NQO2: variants seen among roughly 807,000 people sequenced by gnomAD.
NQO2 encodes ribosyldihydronicotinamide dehydrogenase [quinone].
NQO2 carries 18 observed loss-of-function variants against 22.0 expected under a neutral mutation model. The ratio of observed to expected loss-of-function variants is 0.82; its 90% confidence interval spans 0.56 to 1.21. The LOEUF is 1.21. Among genes scored for constraint, NQO2 ranks in the 50% most tolerant of loss-of-function variants. NQO2 has a pLI of 0.00. For missense variants in NQO2, 267 were observed against 286.9 expected (o/e 0.93, Z 0.50); for synonymous variants, 106 against 110.8 (o/e 0.96, Z 0.28).
chr6:3,002,247 GT>G, intron 1 of NQO2: 1 of 984,738 alleles, frequency 1.0e-6, no homozygotes, highest in Non-Finnish European at 1.2e-6. Flanking sequence ...AGGATAAGGT[GT>G]TCCCCCAGTC....
rs1561714884 is a variant in NQO2, at chr6:3,012,645, G to T, written c.274G>T (p.Val92Phe). Residue 92 changes from valine to phenylalanine, a missense_variant, in exon 4 of 7, where the codon GTT (valine) becomes TTT (phenylalanine). Transcript: ENST00000380455. ...ASDITDEQKK[V>F]READLVIFQF... ...CGACATCACTGATGAGCAGAAAAAG[G>T]TTCGGGAGGCTGACCTAGTGATATT... is the stretch of plus-strand genomic sequence containing the variant. 3.7e-6 allele frequency: 6 copies of T among 1,613,988 alleles called. No homozygotes were observed. Among genetic ancestry groups the T allele is most frequent in the Admixed American group, 3.3e-5 (2 of 59,996 alleles).
intron 6 of NQO2, 39 bp downstream of exon 6, chr6:3,017,024 A>T (rs770186052): frequency 6.2e-7 from 1 of 1,604,346 alleles, no homozygotes; most frequent in African/African-American, 1.3e-5. Flanking sequence ...TTGTTGGCAC[A>T]CGCACACACA....
rs1172440006 is a variant in NQO2, at chr6:3,019,466, C to T, written c.520-13C>T. ...AGTTTCTAATGAGTTCTTTTCTTCC[C>T]CTGTGGCTTTAGCATGGCACATTAC... On this transcript the variant is annotated splice_polypyrimidine_tract_variant and intron_variant, in intron 6 of 6. Transcript: ENST00000380455. 3 of 1,604,998 alleles carry T rather than the reference C, an allele frequency of 1.9e-6. No individual in the cohort carries two copies. The highest frequency in any genetic ancestry group is 2.6e-6 in the Non-Finnish European group (3 of 1,174,696).
intron 1 of NQO2, chr6:3,003,418 C>G (rs1756813090): frequency 2.3e-6 from 1 of 443,702 alleles, no homozygotes; most frequent in Non-Finnish European, 3.0e-6. Context: ...ACAACCATGT[C>G]TCTCCCTGAC....
At position 3,019,547 on chromosome 6, in the gene NQO2, A is replaced by T. The variant is rs1445385206; in HGVS notation, c.588A>T (p.Ala196=). 1 of 1,614,078 alleles carries T rather than the reference A, an allele frequency of 6.2e-7. No homozygotes were observed. The highest frequency in any genetic ancestry group is 8.5e-7 in the Non-Finnish European group (1 of 1,180,038). The part of the protein sequence containing the change: ...APQISFAPEI[A]SEEERKGMVA... The stretch of plus-strand genomic sequence containing the variant: ...AGATCAGCTTTGCTCCTGAAATTGC[A>T]TCCGAAGAAGAAAGAAAGGGGATGG... The change falls in exon 7 of 7, where the codon GCA becomes GCT. Residue 196 remains alanine, a synonymous_variant. Transcript: ENST00000380455.
At position 3,012,645 on chromosome 6, in the gene NQO2, G is replaced by A. The variant is rs1561714884; in HGVS notation, c.274G>A (p.Val92Ile). The change falls in exon 4 of 7, where the codon GTT becomes ATT. Residue 92 changes from valine to isoleucine, a missense_variant. Coordinates refer to ENST00000380455, the MANE Select transcript of NQO2 (RefSeq NM_000904.6). ...CGACATCACTGATGAGCAGAAAAAG[G>A]TTCGGGAGGCTGACCTAGTGATATT... ...ASDITDEQKK[V>I]READLVIFQF... is the part of the protein sequence containing the mutation. The A allele has an allele frequency of 2.5e-6, 4 of 1,613,870 alleles. No individual in the cohort carries two copies. The highest frequency in any genetic ancestry group is 3.4e-6 in the Non-Finnish European group (4 of 1,179,970).
rs150813874 is a variant in NQO2, at chr6:3,011,517, G to A, written c.173-1027G>A. 3.2e-3 allele frequency among the ~76,000 whole-genome samples: 490 copies of A among 152,220 alleles called. 5 individuals are homozygous for A. Among genetic ancestry groups the A allele is most frequent in the African/African-American group, 0.011 (461 of 41,540 alleles). On this transcript the variant is annotated intron_variant, in intron 3 of 6. Coordinates refer to ENST00000380455, the MANE Select transcript of NQO2 (RefSeq NM_000904.6). ...TAAGAGGAAGCTGAGCAAGAGCAAG[G>A]CATAGCAAGCTTATTCAAAGAAATA... is the stretch of plus-strand genomic sequence containing the variant.
intron 1 of NQO2, chr6:3,005,818 G>A: frequency 1.0e-6 from 1 of 985,346 alleles, no homozygotes; most frequent in Non-Finnish European, 1.2e-6. Flanking sequence ...GCCATGCTGT[G>A]ACTTTGTTGA....
intron 6 of NQO2, among the ~76,000 whole-genome samples, chr6:3,017,902 C>A (rs1757393485): frequency 6.6e-6 from 1 of 152,068 alleles, no homozygotes; most frequent in South Asian, 2.1e-4. Context: ...TTGCCCATGT[C>A]CTATTGGTTT....
intron 1 of NQO2, chr6:3,003,614 A>G (rs1445894266): frequency 1.6e-6 from 1 of 618,660 alleles, no homozygotes; most frequent in African/African-American, 2.1e-5. Context: ...ACCGGTTCAA[A>G]CAATACTACC....
At chr6:3,000,951 TC>T (rs1410950768) in intron 1 of NQO2, among the ~76,000 whole-genome samples, 2 of 151,722 alleles carry the variant, frequency 1.3e-5, no homozygotes, top group Non-Finnish European at 2.9e-5. Context: ...CAAGCGATTC[TC>T]CCCCCTCAGC....
chr6:3,011,703 A>G (rs572272948), intron 3 of NQO2, among the ~76,000 whole-genome samples: 2 of 152,324 alleles, frequency 1.3e-5, no homozygotes, highest in African/African-American at 2.4e-5. Flanking sequence ...AGCAAATAAC[A>G]TGTAACAGAG....
At chr6:3,002,568 C>A (rs182253959) in intron 1 of NQO2, among the ~76,000 whole-genome samples, 8 of 152,248 alleles carry the variant, frequency 5.3e-5, no homozygotes, top group African/African-American at 1.9e-4. Context: ...CCTCGGCCCC[C>A]CAAAATGCTG....
chr6:3,015,687 G>T, intron 5 of NQO2, 44 bp downstream of exon 5: 1 of 1,562,196 alleles, frequency 6.4e-7, no homozygotes, highest in African/African-American at 1.4e-5. Flanking sequence ...GTTGGAGGGA[G>T]GGGACAGAGG....
At chr6:3,012,733 T>C in intron 4 of NQO2, 59 bp downstream of exon 4, 1 of 1,543,216 alleles carries the variant, frequency 6.5e-7, no homozygotes, top group Non-Finnish European at 8.8e-7. Flanking sequence ...AAACTCTTTC[T>C]GAATATTGAG....
At chr6:3,009,194 C>A (rs1358416573) in intron 2 of NQO2, among the ~76,000 whole-genome samples, 1 of 152,220 alleles carries the variant, frequency 6.6e-6, no homozygotes, top group Non-Finnish European at 1.5e-5. Context: ...GAGGCCCACC[C>A]TCAGGGACGC....
Position 3,010,209 on chromosome 6 carries a change from C to T in NQO2, c.172+20C>T. 1 of 1,540,912 alleles carries T rather than the reference C, an allele frequency of 6.5e-7. No homozygotes were observed. Among genetic ancestry groups the T allele is most frequent in the Non-Finnish European group, 8.8e-7 (1 of 1,139,920 alleles). On this transcript the variant is annotated intron_variant, in intron 3 of 6. Coordinates refer to ENST00000380455, the MANE Select transcript of NQO2 (RefSeq NM_000904.6). ...TCACTGGTGAGTCATGGGATAAATG[C>T]TCTATTTATAAAAACCATCTTTATG...
intron 2 of NQO2, among the ~76,000 whole-genome samples, chr6:3,008,378 C>T (rs1757019803): frequency 6.6e-6 from 1 of 150,410 alleles, no homozygotes; most frequent in South Asian, 2.1e-4. Context: ...GGGATCGTTG[C>T]TCCAGCCTGG....
chr6:3,004,657 G>A (rs543888355), intron 1 of NQO2: 1 of 984,898 alleles, frequency 1.0e-6, no homozygotes, highest in East Asian at 1.1e-4. Flanking sequence ...TCCTGGTGGG[G>A]ATAAGCACCA....
Sources: allele counts gnomAD v4.1 joint callset (sites outside exome capture counted in the v4.1 genomes callset), GRCh38; gene constraint gnomAD v4.1.1; transcripts MANE v1.5; gene names NCBI Gene and HGNC (gene_info 2026-07-23, HGNC 2026-07-21).